Variants in HEATR1 observed in about 807,000 individuals in gnomAD.
The protein encoded by HEATR1 is HEAT repeat-containing protein 1.
HEATR1 carries 77 observed loss-of-function variants against 248.2 expected under a neutral mutation model. The ratio of observed to expected loss-of-function variants is 0.31; its 90% confidence interval spans 0.26 to 0.37. The LOEUF is 0.37. Among genes scored for constraint, HEATR1 ranks in the 10% least tolerant of loss-of-function variants. The probability of loss-of-function intolerance (pLI) is 1.00; values close to 1 mark genes in which losing one functional copy is unlikely to be tolerated. For synonymous variants in HEATR1, 897 were observed against 923.1 expected, an observed-to-expected ratio of 0.97 and a Z score of 0.51; for missense variants, 2,420 against 2,504.9, an observed-to-expected ratio of 0.97 and a Z score of 0.72.
chr1:236,550,328 A>G lies in HEATR1; in HGVS notation c.*574T>C, dbSNP rs1662668772. The G allele has an allele frequency of 6.6e-6, 1 of 152,226 alleles. No homozygotes were observed. Among genetic ancestry groups the G allele is most frequent in the Admixed American group, 6.5e-5 (1 of 15,276 alleles). The allele number at this position is 152,226 out of a possible 1,614,324, so 9.4% of individuals were successfully genotyped here. A position where few individuals can be genotyped will look rare whatever the true frequency, so the allele number is the denominator to read the frequency against. On this transcript the variant is annotated 3_prime_UTR_variant, in exon 45 of 45. Coordinates refer to ENST00000366582, the MANE Select transcript of HEATR1 (RefSeq NM_018072.6). ...CAAAAGAACAAAGGATAAAGGTGAC[A>G]GTCACACTCCTGGGTTAAAAAAAGC...
At chr1:236,568,922 G>T (rs1663348405) in intron 29 of HEATR1, 74 bp downstream of exon 29, 3 of 1,020,640 alleles carry the variant, frequency 2.9e-6, no homozygotes, top group African/African-American at 1.7e-5. Context: ...TAAAAAAAAG[G>T]CTTTTAATGT....
chr1:236,565,305 C>T (rs74145392), intron 31 of HEATR1, among the ~76,000 whole-genome samples: 7 of 152,220 alleles, frequency 4.6e-5, no homozygotes, highest in African/African-American at 9.6e-5. Context: ...ACTATCAACA[C>T]GTCAACCCTT....
At chr1:236,585,769 A>G (rs775501183) in intron 16 of HEATR1, 51 bp downstream of exon 16, 17 of 1,557,848 alleles carry the variant, frequency 1.1e-5, no homozygotes, top group Non-Finnish European at 1.3e-5. Flanking sequence ...TGAGAATTTA[A>G]TAAGAGTATG....
chr1:236,599,357 A>G (rs17585293), intron 4 of HEATR1, 126 bp downstream of exon 4: 21,843 of 646,590 alleles, frequency 0.034, 472 homozygotes, highest in Middle Eastern at 0.074. Context: ...ATTGGAAGTC[A>G]GGAAATAAAA....
Position 236,592,105 on chromosome 1 carries a change from G to A in HEATR1, c.1310C>T (p.Pro437Leu). The change falls in exon 11 of 45, where the codon CCC becomes CTC. Residue 437 changes from proline (P) to leucine (L), a missense_variant. Pro to Leu is a moderately conservative substitution (Grantham distance 98). Coordinates refer to ENST00000366582, the MANE Select transcript of HEATR1 (RefSeq NM_018072.6). Reference protein sequence around the residue: ...PLIRLLESKYPRTLDVVLEEH... With the variant: ...PLIRLLESKYLRTLDVVLEEH... ...CTCTAATACAACATCTAATGTTCTG[G>A]GGTATCTGGGAAGCAATTAAAAAGT... 1 of 1,527,908 alleles carries A rather than the reference G, an allele frequency of 6.5e-7. No homozygotes were observed. The highest frequency in any genetic ancestry group is 1.2e-5 in the South Asian group (1 of 83,552). 94.6% of individuals were successfully genotyped at this position (1,527,908 alleles called of 1,614,324 possible).
Position 236,561,287 on chromosome 1 carries a change from G to C in HEATR1, c.4600-16C>G. On this transcript the variant is annotated splice_polypyrimidine_tract_variant and intron_variant, in intron 32 of 44. Transcript: ENST00000366582. Reference sequence around the variant, plus strand: ...TCTCAACTACCTAATTTTTAAAGAAGACGTCATTAGAACGGTAGGGAAGTC... The same window carrying C: ...TCTCAACTACCTAATTTTTAAAGAACACGTCATTAGAACGGTAGGGAAGTC... The C allele has an allele frequency of 6.2e-7, 1 of 1,602,416 alleles. No individual in the cohort carries two copies. The highest frequency in any genetic ancestry group is 8.5e-7 in the Non-Finnish European group (1 of 1,169,654).
rs1664156691 is a variant in HEATR1, at chr1:236,595,591, G to A, written c.1039C>T (p.Leu347=). ...ACCAGATGGGGAAGCATGTAATGCA[G>A]AAGAGGACTGACATCGTAAGTTTCA... is the stretch of plus-strand genomic sequence containing the variant. ...ISETYDVSPL[L]HYMLPHLVVS... The change falls in exon 8 of 45, where the codon CTG becomes TTG. Residue 347 remains leucine (L), a synonymous_variant. Coordinates refer to ENST00000366582, the MANE Select transcript of HEATR1 (RefSeq NM_018072.6). The A allele has an allele frequency of 6.2e-7, 1 of 1,608,650 alleles. No homozygotes were observed. Among genetic ancestry groups the A allele is most frequent in the East Asian group, 2.2e-5 (1 of 44,832 alleles).
At chr1:236,580,723 T>C (rs1229865489) in intron 20 of HEATR1, among the ~76,000 whole-genome samples, 1 of 151,072 alleles carries the variant, frequency 6.6e-6, no homozygotes, top group Non-Finnish European at 1.5e-5. Flanking sequence ...CATCACGTTG[T>C]CCAAGCTGGT....
Position 236,573,925 on chromosome 1 carries a change from G to A in HEATR1, c.3459+277C>T, listed in dbSNP as rs563227220. On this transcript the variant is annotated intron_variant, in intron 24 of 44. Transcript: ENST00000366582. ...TCCTATTCCTTGCATAAAGGAATAG[G>A]TAGATTCCGTCTAATATGAGAAAGA... 1.3e-4 allele frequency: 29 copies of A among 228,884 alleles called. No individual in the cohort carries two copies. The East Asian group carries it at 2.6e-3, about 20-fold the overall frequency. The allele number at this position is 228,884 out of a possible 1,614,324, so 14.2% of individuals were successfully genotyped here. A position where few individuals can be genotyped will look rare whatever the true frequency, so the allele number is the denominator to read the frequency against.
intron 8 of HEATR1, 27 bp downstream of exon 8, chr1:236,595,513 C>T: frequency 1.3e-6 from 2 of 1,575,316 alleles, no homozygotes; most frequent in Non-Finnish European, 1.7e-6. Flanking sequence ...TAGAAAATTT[C>T]TGGACAAAAA....
chr1:236,573,996 C>A, intron 24 of HEATR1: 1 of 392,550 alleles, frequency 2.5e-6, no homozygotes, highest in Non-Finnish European at 4.5e-6. Context: ...TTAAAATTAT[C>A]AACAAATACT....
At chr1:236,583,235 G>A in intron 17 of HEATR1, 39 bp from the exon 18 acceptor site, 1 of 1,532,580 alleles carries the variant, frequency 6.5e-7, no homozygotes, top group Non-Finnish European at 8.8e-7. Context: ...TACAAACTAA[G>A]GGTTCTGAAC....
chr1:236,567,064 G>A (rs545065743), intron 29 of HEATR1, among the ~76,000 whole-genome samples, 188 bp from the exon 30 acceptor site: 1 of 152,130 alleles, frequency 6.6e-6, no homozygotes, highest in Admixed American at 6.5e-5. Flanking sequence ...ATATCTCACC[G>A]CAGCCTGGAT....
chr1:236,563,690 A>C (rs1663196537), intron 32 of HEATR1, among the ~76,000 whole-genome samples: 1 of 152,142 alleles, frequency 6.6e-6, no homozygotes, highest in South Asian at 2.1e-4. Flanking sequence ...ACTTTACAGT[A>C]CTCTAATGTC....
chr1:236,558,147 C>CA, intron 36 of HEATR1, 90 bp downstream of exon 36: 1 of 1,349,324 alleles, frequency 7.4e-7, no homozygotes, highest in South Asian at 1.4e-5. Flanking sequence ...AACGTCTACT[C>CA]AGAGGAAAAA....
rs771178359 is a variant in HEATR1 at position 236,590,849 on chromosome 1, T to C, written c.1528A>G (p.Lys510Glu). Residue 510 changes from lysine to glutamate, a missense_variant and splice_region_variant, in exon 12 of 45, where the codon AAG (lysine) becomes GAG (glutamate). Lys to Glu is a moderately conservative substitution (Grantham distance 56). Transcript: ENST00000366582. ...TAAAAAAGCGATCTGAAACAAACCT[T>C]TGATGTTTTCATGATCTTTTTCAAA... ...NHLKKIMKTS[K>E]EGVDESFIKE... The C allele has an allele frequency of 4.8e-6, 7 of 1,455,220 alleles. No homozygotes were observed. The highest frequency in any genetic ancestry group is 1.5e-5 in the South Asian group (1 of 66,156). The allele number at this position is 1,455,220 out of a possible 1,614,324, so 90.1% of individuals were successfully genotyped here.
intron 20 of HEATR1, 100 bp downstream of exon 20, chr1:236,581,122 C>CT (rs1214798590): frequency 1.3e-5 from 12 of 926,254 alleles, no homozygotes; most frequent in Non-Finnish European, 1.9e-5. Context: ...CTGCCCTCTG[C>CT]TATTTTTTTT....
rs372056226 is a variant in HEATR1, at chr1:236,568,912, TAAAA to T, written c.4077+80_4077+83del. The T allele has an allele frequency of 9.2e-3, 6,093 of 664,750 alleles. 288 individuals are homozygous for T. The African/African-American group carries it at 0.11, about 12-fold the overall frequency. The allele number at this position is 664,750 out of a possible 1,614,324, so 41.2% of individuals were successfully genotyped here. On this transcript the variant is annotated intron_variant, in intron 29 of 44. Transcript: ENST00000366582. The stretch of plus-strand genomic sequence containing the variant: ...AAAAAAAAAAACAAAAAAAAAAAAC[TAAAA>T]AAAAGGCTTTTAATGTCATTTATAT...
rs1412150459 is a variant in HEATR1, at chr1:236,549,928, G to C, written c.*974C>G. On this transcript the variant is annotated 3_prime_UTR_variant, in exon 45 of 45. Transcript: ENST00000366582. ...AAGCTCTGTCTCTAAAATGCAAGTT[G>C]GCCTTTTGCTTGCCACATTTCTGCA... 6.6e-6 allele frequency: 1 copy of C among 152,060 alleles called. No homozygotes were observed. The highest frequency in any genetic ancestry group is 1.5e-5 in the Non-Finnish European group (1 of 68,030). The allele number at this position is 152,060 out of a possible 1,614,324, so 9.4% of individuals were successfully genotyped here.
Sources: allele counts gnomAD v4.1 joint callset (sites outside exome capture counted in the v4.1 genomes callset), GRCh38; gene constraint gnomAD v4.1.1; transcripts MANE v1.5; gene names NCBI Gene and HGNC (gene_info 2026-07-23, HGNC 2026-07-21).